The following RPN2 variants were observed in gnomAD, a reference collection of about 807,000 sequenced individuals.
RPN2 encodes the protein ribophorin II.
In RPN2, 29 loss-of-function variants were observed where a neutral mutation model predicts 71.4. The observed-to-expected ratio is 0.41, with a 90% confidence interval of 0.30 to 0.55. The LOEUF (loss-of-function observed/expected upper bound fraction) is 0.55. RPN2 is among the 20% of genes least tolerant of loss of function. The pLI is 0.35. For synonymous variants in RPN2, 308 were observed against 305.0 expected (o/e 1.01, Z -0.10); for missense variants, 726 against 774.1 (o/e 0.94, Z 0.74).
chr20:37,200,434 G>A, intron 4 of RPN2: 1 of 528,308 alleles, frequency 1.9e-6, no homozygotes, highest in South Asian at 1.4e-5. Flanking sequence ...CCGTTTCACT[G>A]CAAACCCTGA....
chr20:37,232,741 G>A (rs2068286655), intron 14 of RPN2, among the ~76,000 whole-genome samples: 1 of 152,160 alleles, frequency 6.6e-6, no homozygotes, highest in African/African-American at 2.4e-5. Context: ...AAAGGCTGTG[G>A]ATTTCAGCAC....
At chr20:37,223,776 A>G in intron 9 of RPN2, 102 bp from the exon 10 acceptor site, 1 of 908,292 alleles carries the variant, frequency 1.1e-6, no homozygotes, top group Non-Finnish European at 1.8e-6. Flanking sequence ...GGATTTTTTC[A>G]TGCCTTTACT....
chr20:37,189,181 CG>C (rs1353579026), intron 2 of RPN2, among the ~76,000 whole-genome samples: 3 of 151,348 alleles, frequency 2.0e-5, no homozygotes, highest in Non-Finnish European at 2.9e-5. Flanking sequence ...GTGATCCACC[CG>C]CCTTGGCCTC....
At chr20:37,210,431 AAAT>A (rs566397224) in intron 8 of RPN2, among the ~76,000 whole-genome samples, 82 of 152,332 alleles carry the variant, frequency 5.4e-4, no homozygotes, top group Non-Finnish European at 9.0e-4. Flanking sequence ...TTTTTCTGAT[AAAT>A]AATAATGTTT....
chr20:37,222,754 G>A (rs1453904689), intron 9 of RPN2, among the ~76,000 whole-genome samples: 1 of 152,014 alleles, frequency 6.6e-6, no homozygotes, highest in East Asian at 1.9e-4. Flanking sequence ...AAGCGCCTTG[G>A]GTTTGCATAA....
intron 2 of RPN2, among the ~76,000 whole-genome samples, chr20:37,187,081 A>G (rs2067023197): frequency 6.6e-6 from 1 of 152,316 alleles, no homozygotes; most frequent in South Asian, 2.1e-4. Flanking sequence ...GTGTTGTCAG[A>G]CTAATCTATC....
intron 12 of RPN2, 177 bp from the exon 13 acceptor site, chr20:37,229,796 T>C: frequency 1.5e-6 from 1 of 656,804 alleles, no homozygotes; most frequent in South Asian, 1.7e-5. Context: ...AGCAAATACT[T>C]GTTTTGTTCT....
At chr20:37,236,812 A>G in intron 16 of RPN2, 103 bp downstream of exon 16, 1 of 1,232,876 alleles carries the variant, frequency 8.1e-7, no homozygotes. Flanking sequence ...TTGTGTTCTT[A>G]GGGGCAAGTC....
chr20:37,223,291 G>A (rs1225741567), intron 9 of RPN2, among the ~76,000 whole-genome samples: 1 of 152,214 alleles, frequency 6.6e-6, no homozygotes, highest in African/African-American at 2.4e-5. Flanking sequence ...TACCATGACT[G>A]TCTAACAAGG....
intron 1 of RPN2, among the ~76,000 whole-genome samples, chr20:37,180,635 T>A (rs1364712802): frequency 6.6e-6 from 1 of 152,196 alleles, no homozygotes; most frequent in Admixed American, 6.5e-5. Context: ...GCATTGGGGA[T>A]TCAGCATTAG....
At chr20:37,220,058 C>T (rs1166286933) in intron 9 of RPN2, among the ~76,000 whole-genome samples, 1 of 152,158 alleles carries the variant, frequency 6.6e-6, no homozygotes, top group Non-Finnish European at 1.5e-5. Context: ...TGGCTAATAG[C>T]TCTTGTTCAT....
chr20:37,199,405 TC>T (rs1451459097), intron 4 of RPN2, among the ~76,000 whole-genome samples, 180 bp downstream of exon 4: 1 of 152,238 alleles, frequency 6.6e-6, no homozygotes, highest in African/African-American at 2.4e-5. Context: ...AAGGTCCGTG[TC>T]CTCGTGGAGC....
chr20:37,184,044 C>T (rs995214124), intron 1 of RPN2, 136 bp from the exon 2 acceptor site: 43 of 1,016,830 alleles, frequency 4.2e-5, no homozygotes, highest in Admixed American at 1.1e-4. Flanking sequence ...AAGGCTTCTC[C>T]TCAGGTTAAA....
At chr20:37,240,147 C>T (rs889779370) in intron 16 of RPN2, among the ~76,000 whole-genome samples, 7 of 152,182 alleles carry the variant, frequency 4.6e-5, no homozygotes, top group African/African-American at 1.7e-4. Flanking sequence ...GGACATTTGG[C>T]ATTTCCTAGC....
At chr20:37,199,251 C>T (rs754710451) in intron 4 of RPN2, 26 bp downstream of exon 4, 5 of 1,611,484 alleles carry the variant, frequency 3.1e-6, no homozygotes, top group Non-Finnish European at 4.2e-6. Flanking sequence ...GAGCATTTCT[C>T]AGGCTTCATT....
chr20:37,223,169 T>C (rs200304605), intron 9 of RPN2, among the ~76,000 whole-genome samples: 3 of 152,234 alleles, frequency 2.0e-5, no homozygotes, highest in East Asian at 1.9e-4. Context: ...CCACATTTCA[T>C]TGGCCAGAGC....
intron 15 of RPN2, among the ~76,000 whole-genome samples, chr20:37,236,119 G>A (rs1278906467): frequency 1.3e-5 from 2 of 152,076 alleles, no homozygotes; most frequent in Admixed American, 6.6e-5. Context: ...GTTTTGAGAC[G>A]AGGTATCACT....
At chr20:37,215,025 A>G (rs1268896894) in intron 9 of RPN2, among the ~76,000 whole-genome samples, 1 of 152,152 alleles carries the variant, frequency 6.6e-6, no homozygotes, top group Non-Finnish European at 1.5e-5. Context: ...TTTATTTATA[A>G]CTATCATAAT....
At chr20:37,217,740 CTTTT>C (rs1568987369) in intron 9 of RPN2, among the ~76,000 whole-genome samples, 1 of 113,310 alleles carries the variant, frequency 8.8e-6, no homozygotes, top group South Asian at 3.1e-4. Flanking sequence ...TTTCTTTTTT[CTTTT>C]TTTGAGATGG....
Sources: allele counts gnomAD v4.1 joint callset (sites outside exome capture counted in the v4.1 genomes callset), GRCh38; gene constraint gnomAD v4.1.1; transcripts MANE v1.5; gene names NCBI Gene and HGNC (gene_info 2026-07-23, HGNC 2026-07-21).